KIF9: variants seen among roughly 807,000 people sequenced by gnomAD.
KIF9 encodes kinesin family member 9.
In KIF9, 68 loss-of-function variants were observed where a neutral mutation model predicts 94.8. The observed-to-expected ratio is 0.72, with a 90% CI of 0.59 to 0.88. KIF9 has a LOEUF of 0.88. Among genes scored for constraint, KIF9 ranks in the 40% least tolerant of loss-of-function variants. The pLI is 0.00. For missense variants in KIF9, 882 were observed against 982.5 expected (o/e 0.90, Z 1.37); for synonymous variants, 343 against 362.1 (o/e 0.95, Z 0.60).
At chr3:47,263,636 A>G (rs1368231842) in intron 9 of KIF9, 1 of 345,956 alleles carries the variant, frequency 2.9e-6, no homozygotes, top group African/African-American at 2.2e-5. Context: ...CTTTAACCCC[A>G]GCCAGCTCAG....
intron 1 of KIF9, among the ~76,000 whole-genome samples, chr3:47,281,689 C>T (rs1234642919): frequency 1.3e-5 from 2 of 152,190 alleles, no homozygotes; most frequent in South Asian, 4.1e-4. Context: ...AATGTCTCTC[C>T]TTGGGGAACC....
intron 2 of KIF9, among the ~76,000 whole-genome samples, chr3:47,276,021 C>A (rs1338042873): frequency 1.3e-5 from 2 of 152,116 alleles, no homozygotes; most frequent in Non-Finnish European, 2.9e-5. Flanking sequence ...AGGCTATGGA[C>A]TTCTCAGACA....
intron 1 of KIF9, among the ~76,000 whole-genome samples, chr3:47,279,052 CAGGAGGCTG>C (rs909373358): frequency 6.6e-6 from 1 of 150,970 alleles, no homozygotes; most frequent in African/African-American, 2.4e-5. Flanking sequence ...CCCAGCTACT[CAGGAGGCTG>C]AGGTGGGAGA....
rs749898685 is a variant in KIF9 at position 47,275,351 on chromosome 3, A to G, written c.233T>C (p.Val78Ala). ...ATTATAGCCATCGAGGGCCTGAGAA[A>G]CCACATCCTTTGCAACTGTCTCATA... ...LVYETVAKDV[V>A]SQALDGYNGT... Residue 78 changes from valine (V) to alanine (A), a missense_variant, in exon 3 of 21, where the codon GTT (valine) becomes GCT (alanine). Physicochemically the swap from Val to Ala is moderately conservative, Grantham distance 64. Transcript: ENST00000684063. The G allele has an allele frequency of 2.3e-5, 37 of 1,613,216 alleles. No individual in the cohort carries two copies. The highest frequency in any genetic ancestry group is 3.1e-5 in the Non-Finnish European group (37 of 1,179,768).
chr3:47,249,711 G>GATAATCTTTGTTCAAAAGCTTCTAAAT (rs1257534118), intron 10 of KIF9, among the ~76,000 whole-genome samples: 1 of 152,058 alleles, frequency 6.6e-6, no homozygotes. Context: ...CTTACCTCCT[G>GATAATCTTTGTTCAAAAGCTTCTAAAT]ATAATCTTTG....
intron 8 of KIF9, among the ~76,000 whole-genome samples, chr3:47,264,858 TGG>T (rs1485841644): frequency 1.3e-5 from 2 of 151,916 alleles, no homozygotes; most frequent in African/African-American, 4.8e-5. Flanking sequence ...AGTCAGAGGG[TGG>T]GGCCCCCATG....
At position 47,271,431 on chromosome 3, in the gene KIF9, G is replaced by C; in HGVS notation, c.397C>G (p.His133Asp). The change falls in exon 5 of 21, where the codon CAT (histidine) becomes GAT (aspartate). Residue 133 changes from histidine (H) to aspartate (D), a missense_variant. Coordinates refer to ENST00000684063, the MANE Select transcript of KIF9 (RefSeq NM_182902.4). ...VFRMIEERPTHAITVRVSYLE... is the reference protein window; with the variant it reads ...VFRMIEERPTDAITVRVSYLE... Reference sequence around the variant, plus strand: ...TAGGAAACACGCACAGTGATGGCATGTGTGGGGCGTTCTTCGATCATCCTA... The same window carrying C: ...TAGGAAACACGCACAGTGATGGCATCTGTGGGGCGTTCTTCGATCATCCTA... 6.2e-7 allele frequency: 1 copy of C among 1,614,144 alleles called. No homozygotes were observed. The highest frequency in any genetic ancestry group is 1.3e-5 in the African/African-American group (1 of 75,046).
intron 1 of KIF9, among the ~76,000 whole-genome samples, chr3:47,278,299 C>T (rs1702105842): frequency 2.6e-5 from 4 of 152,150 alleles, no homozygotes; most frequent in Admixed American, 2.0e-4. Context: ...TGGTCTTGAA[C>T]TCCTAGCCTC....
chr3:47,241,075 G>C (rs1699443396), intron 16 of KIF9, 60 bp from the exon 17 acceptor site: 1 of 1,458,784 alleles, frequency 6.9e-7, no homozygotes, highest in Non-Finnish European at 9.6e-7. Flanking sequence ...GGAGCCACCA[G>C]GCACTTCATC....
chr3:47,228,206 G>A lies in KIF9; in HGVS notation c.*446C>T, dbSNP rs540874386. The A allele has an allele frequency of 4.2e-4, 66 of 155,406 alleles. No homozygotes were observed. Among genetic ancestry groups the A allele is most frequent in the Non-Finnish European group, 7.6e-4 (53 of 70,078 alleles). The allele number at this position is 155,406 out of a possible 1,614,324, so 9.6% of individuals were successfully genotyped here. ...TGTGAGAAGCAGAGCTCCTCAGACC[G>A]AGCTCACCACCCCCACCCTAGGATG... On this transcript the variant is annotated 3_prime_UTR_variant, in exon 21 of 21. Coordinates refer to ENST00000684063, the MANE Select transcript of KIF9 (RefSeq NM_182902.4).
chr3:47,256,529 G>GT (rs1553619998), intron 10 of KIF9, among the ~76,000 whole-genome samples: 1 of 151,004 alleles, frequency 6.6e-6, no homozygotes, highest in African/African-American at 2.4e-5. Flanking sequence ...GGGGGGGTCG[G>GT]CCCCCCGCCC....
intron 16 of KIF9, among the ~76,000 whole-genome samples, chr3:47,241,569 G>A (rs1699488101): frequency 6.6e-6 from 1 of 151,070 alleles, no homozygotes; most frequent in Non-Finnish European, 1.5e-5. Context: ...TAATCCACCC[G>A]CCTCAGCCTC....
intron 16 of KIF9, among the ~76,000 whole-genome samples, chr3:47,241,600 G>A (rs1391680073): frequency 6.6e-6 from 1 of 151,196 alleles, no homozygotes; most frequent in Non-Finnish European, 1.5e-5. Flanking sequence ...GGGATTACAG[G>A]CATGAGCCAC....
chr3:47,273,870 C>T (rs1559468276), intron 3 of KIF9, among the ~76,000 whole-genome samples: 1 of 152,232 alleles, frequency 6.6e-6, no homozygotes, highest in Non-Finnish European at 1.5e-5. Flanking sequence ...TGCCCTGAAT[C>T]TGTGGTCCCC....
chr3:47,268,242 A>T (rs1216060796), intron 5 of KIF9, among the ~76,000 whole-genome samples: 6 of 152,208 alleles, frequency 3.9e-5, no homozygotes, highest in African/African-American at 1.4e-4. Flanking sequence ...TATGACCAGA[A>T]TATACTTAAA....
intron 20 of KIF9, among the ~76,000 whole-genome samples, chr3:47,229,895 G>A (rs770778553): frequency 4.6e-5 from 7 of 151,862 alleles, no homozygotes; most frequent in African/African-American, 9.7e-5. Flanking sequence ...CACCATCCCC[G>A]GCTAGTTTTT....
chr3:47,238,797 G>A (rs979698078), intron 17 of KIF9, among the ~76,000 whole-genome samples: 1 of 152,156 alleles, frequency 6.6e-6, no homozygotes, highest in Non-Finnish European at 1.5e-5. Context: ...CAGCAGCTGG[G>A]ACTACAGGCG....
At chr3:47,229,801 T>G (rs1431177480) in intron 20 of KIF9, among the ~76,000 whole-genome samples, 4 of 151,824 alleles carry the variant, frequency 2.6e-5, no homozygotes, top group African/African-American at 9.7e-5. Flanking sequence ...TGGCGCAATC[T>G]CGGCTCACTA....
intron 9 of KIF9, among the ~76,000 whole-genome samples, chr3:47,257,863 TCAGGTGACCCCCTGC>T (rs1221563104): frequency 6.6e-6 from 1 of 152,182 alleles, no homozygotes; most frequent in African/African-American, 2.4e-5. Flanking sequence ...AGGCCTCTGC[TCAGGTGACCCCCTGC>T]CTGGAGTACC....
Sources: gnomAD v4.1 joint callset for allele counts (sites outside exome capture counted in the v4.1 genomes callset) on GRCh38, gnomAD v4.1.1 for gene constraint, MANE v1.5 for transcripts, NCBI Gene and HGNC (gene_info 2026-07-23, HGNC 2026-07-21) for gene names.